The following VTA1 variants were observed in gnomAD, a reference collection of about 807,000 sequenced individuals.
VTA1 encodes the protein vesicle trafficking 1.
A neutral mutation model predicts 36.9 loss-of-function variants in VTA1; 24 were observed. That is an observed-to-expected ratio of 0.65 (90% confidence interval 0.47 to 0.91). VTA1 has a LOEUF of 0.91. VTA1 is among the 40% of genes least tolerant of loss of function. VTA1 has a pLI of 0.00. For missense variants in VTA1, 393 were observed against 377.2 expected (o/e 1.04, Z -0.35); for synonymous variants, 142 against 130.2 (o/e 1.09, Z -0.62).
At position 142,147,333 on chromosome 6, in the gene VTA1, A is replaced by C. The variant is rs1459952932; in HGVS notation, c.46A>C (p.Ser16Arg). 3 of 1,614,206 alleles carry C rather than the reference A, an allele frequency of 1.9e-6. No homozygotes were observed. Among genetic ancestry groups the C allele is most frequent in the Non-Finnish European group, 2.5e-6 (3 of 1,180,034 alleles). Residue 16 changes from serine (S) to arginine (R), a missense_variant, in exon 1 of 8, where the codon AGC becomes CGC. By Grantham distance (110) the Ser-to-Arg change is moderately radical (BLOSUM62 -1). Coordinates refer to ENST00000367630, the MANE Select transcript of VTA1 (RefSeq NM_016485.5). The stretch of plus-strand genomic sequence containing the variant: ...GCCCCCGCTCCCCGCACAGTTCAAG[A>C]GCATACAGCATCATCTGAGGACGGC... The part of the protein sequence containing the change: ...PLPPLPAQFK[S>R]IQHHLRTAQE...
Position 142,169,534 on chromosome 6 carries a change from T to G in VTA1, c.208-16T>G. The G allele has an allele frequency of 2.5e-6, 4 of 1,605,848 alleles. No homozygotes were observed. The highest frequency in any genetic ancestry group is 3.4e-6 in the Non-Finnish European group (4 of 1,178,096). ...AGAGTCCAAAATCATAAGCTATGTA[T>G]CTGATTTTATTTTAGCTAAAGAAGC... On this transcript the variant is annotated splice_polypyrimidine_tract_variant and intron_variant, in intron 2 of 7. Coordinates refer to ENST00000367630, the MANE Select transcript of VTA1 (RefSeq NM_016485.5).
intron 1 of VTA1, among the ~76,000 whole-genome samples, chr6:142,158,229 A>G (rs1403305375): frequency 6.6e-6 from 1 of 152,214 alleles, no homozygotes; most frequent in East Asian, 1.9e-4. Flanking sequence ...GTTGCAATGT[A>G]TATAACATTT....
intron 2 of VTA1, among the ~76,000 whole-genome samples, chr6:142,168,276 C>CT (rs1774959586): frequency 6.7e-6 from 1 of 149,458 alleles, no homozygotes; most frequent in South Asian, 2.1e-4. Context: ...TTTTTTTTTT[C>CT]TTTTTTCTGT....
chr6:142,203,393 T>G (rs1209164555), intron 6 of VTA1, among the ~76,000 whole-genome samples: 1 of 152,048 alleles, frequency 6.6e-6, no homozygotes, highest in African/African-American at 2.4e-5. Flanking sequence ...CTTTTAACAC[T>G]TTTTGTTAGT....
At chr6:142,191,837 CTT>C (rs1230962907) in intron 5 of VTA1, among the ~76,000 whole-genome samples, 1 of 151,818 alleles carries the variant, frequency 6.6e-6, no homozygotes, top group Non-Finnish European at 1.5e-5. Flanking sequence ...TTCTTTAAGA[CTT>C]TGATTTGTTT....
In VTA1 at chr6:142,222,541, T is replaced by G. The variant is rs1245921833; in HGVS notation, c.*3898T>G. On this transcript the variant is annotated 3_prime_UTR_variant, in exon 8 of 8. Coordinates refer to ENST00000367630, the MANE Select transcript of VTA1 (RefSeq NM_016485.5). ...ACTTGTAATTCTAGAAATTTGAGAA[T>G]TCTATGTATGCATTGAAAGATTATA... The G allele has an allele frequency of 2.0e-5, 3 of 152,214 alleles. No homozygotes were observed. The highest frequency in any genetic ancestry group is 7.2e-5 in the African/African-American group (3 of 41,458). The allele number at this position is 152,214 out of a possible 1,614,324, so 9.4% of individuals were successfully genotyped here. A position where few individuals can be genotyped will look rare whatever the true frequency, so the allele number is the denominator to read the frequency against.
rs1776081933 is a variant in VTA1 at position 142,220,188 on chromosome 6, T to G, written c.*1545T>G. 6.6e-6 allele frequency: 1 copy of G among 152,256 alleles called. No individual in the cohort carries two copies. The highest frequency in any genetic ancestry group is 6.5e-5 in the Admixed American group (1 of 15,286). 9.4% of individuals were successfully genotyped at this position (152,256 alleles called of 1,614,324 possible). ...ATTTTCCTATCTTTTACAAGAGGTA[T>G]GAACATTTGTAGGGTTCCACATTTG... On this transcript the variant is annotated 3_prime_UTR_variant, in exon 8 of 8. Coordinates refer to ENST00000367630, the MANE Select transcript of VTA1 (RefSeq NM_016485.5).
intron 1 of VTA1, among the ~76,000 whole-genome samples, chr6:142,149,051 T>C (rs1050226596): frequency 6.6e-6 from 1 of 152,204 alleles, no homozygotes; most frequent in Non-Finnish European, 1.5e-5. Context: ...CCCTCTAGAT[T>C]TTTCTAAACC....
intron 3 of VTA1, 94 bp downstream of exon 3, chr6:142,169,771 G>GATTGATTTAGGT (rs1774994628): frequency 2.6e-6 from 3 of 1,170,832 alleles, no homozygotes; most frequent in Non-Finnish European, 3.4e-6. Flanking sequence ...CTAACCTGCT[G>GATTGATTTAGGT]ATTGATTTAG....
intron 1 of VTA1, among the ~76,000 whole-genome samples, chr6:142,153,817 A>G (rs571169369): frequency 6.6e-6 from 1 of 152,192 alleles, no homozygotes; most frequent in Admixed American, 6.5e-5. Flanking sequence ...TTTTCTTTTA[A>G]TTAAACTTTT....
chr6:142,157,432 A>G (rs225637), intron 1 of VTA1, among the ~76,000 whole-genome samples: 61,745 of 152,060 alleles, frequency 0.41, 13,102 homozygotes, highest in Middle Eastern at 0.57. Flanking sequence ...TGATTTATCC[A>G]TTAGCCTTCC....
intron 4 of VTA1, 75 bp from the exon 5 acceptor site, chr6:142,189,351 T>C (rs988827448): frequency 5.7e-6 from 7 of 1,222,150 alleles, no homozygotes; most frequent in Non-Finnish European, 7.0e-6. Flanking sequence ...AGAAATATGA[T>C]ATAGGTCATC....
chr6:142,176,018 A>G (rs562886465), intron 4 of VTA1, among the ~76,000 whole-genome samples: 4 of 152,112 alleles, frequency 2.6e-5, no homozygotes, highest in African/African-American at 9.7e-5. Flanking sequence ...CTCTGTTGTT[A>G]CATAAACTGT....
At chr6:142,157,472 A>G (rs964054291) in intron 1 of VTA1, among the ~76,000 whole-genome samples, 2 of 152,212 alleles carry the variant, frequency 1.3e-5, no homozygotes, top group African/African-American at 2.4e-5. Context: ...TTGTGAACAT[A>G]TATGCAAACA....
intron 4 of VTA1, among the ~76,000 whole-genome samples, chr6:142,175,298 T>A (rs1315185381): frequency 6.6e-6 from 1 of 152,034 alleles, no homozygotes; most frequent in East Asian, 2.0e-4. Context: ...TCTGTCAGAT[T>A]TTCAGGTTTT....
Position 142,218,788 on chromosome 6 carries a change from T to C in VTA1, c.*145T>C, listed in dbSNP as rs1776050314. ...GAAATCTGTGTGTATCAGATTTTTA[T>C]TGAAGCATTCATCAGCAGCCTCAAC... On this transcript the variant is annotated 3_prime_UTR_variant, in exon 8 of 8. Coordinates refer to ENST00000367630, the MANE Select transcript of VTA1 (RefSeq NM_016485.5). 6 of 966,876 alleles carry C rather than the reference T, an allele frequency of 6.2e-6. No homozygotes were observed. The highest frequency in any genetic ancestry group is 2.1e-5 in the South Asian group (1 of 48,296). 59.9% of individuals were successfully genotyped at this position (966,876 alleles called of 1,614,324 possible).
intron 4 of VTA1, among the ~76,000 whole-genome samples, chr6:142,174,940 C>T (rs1356730358): frequency 6.6e-6 from 1 of 152,132 alleles, no homozygotes; most frequent in Non-Finnish European, 1.5e-5. Flanking sequence ...GATGCTGGGC[C>T]CAGGCTTATG....
chr6:142,152,698 G>A (rs937842663), intron 1 of VTA1, among the ~76,000 whole-genome samples: 5 of 152,036 alleles, frequency 3.3e-5, no homozygotes, highest in African/African-American at 1.2e-4. Flanking sequence ...ATGTAGTATA[G>A]AAATCACATT....
chr6:142,164,343 G>A (rs1253551296), intron 1 of VTA1, among the ~76,000 whole-genome samples: 1 of 151,950 alleles, frequency 6.6e-6, no homozygotes, highest in Non-Finnish European at 1.5e-5. Context: ...CACTACGCTG[G>A]TAGTGCAGTA....
Sources: allele counts gnomAD v4.1 joint callset (sites outside exome capture counted in the v4.1 genomes callset), GRCh38; gene constraint gnomAD v4.1.1; transcripts MANE v1.5; gene names NCBI Gene and HGNC (gene_info 2026-07-23, HGNC 2026-07-21).